KCNQ1: variants seen among roughly 807,000 people sequenced by gnomAD.
The protein encoded by KCNQ1 is potassium voltage-gated channel subfamily Q member 1, also known as potassium voltage-gated channel subfamily KQT member 1.
KCNQ1 carries 49 observed loss-of-function variants against 72.4 expected under a neutral mutation model. The ratio of observed to expected loss-of-function variants is 0.68; its 90% CI spans 0.54 to 0.86. KCNQ1 has a LOEUF of 0.86. KCNQ1 is among the 40% of genes least tolerant of loss of function. The probability of loss-of-function intolerance (pLI) is 0.00; values close to 1 mark genes in which losing one functional copy is unlikely to be tolerated. For missense variants in KCNQ1, 790 were observed against 945.1 expected (o/e 0.84, Z 2.15); for synonymous variants, 450 against 412.6 (o/e 1.09, Z -1.10).
chr11:2,656,488 C>T (rs889233009), intron 10 of KCNQ1: 92 of 398,578 alleles, frequency 2.3e-4, no homozygotes, highest in Non-Finnish European at 1.9e-4. Context: ...CTCGCCCCCA[C>T]GGGCCATGAG....
Position 2,541,366 on chromosome 11 carries a change from T to C in KCNQ1, c.477+13348T>C, listed in dbSNP as rs1847819843. Among the ~76,000 whole-genome samples, 1 of 152,194 alleles carries C rather than the reference T, an allele frequency of 6.6e-6. No individual in the cohort carries two copies. Among genetic ancestry groups the C allele is most frequent in the Non-Finnish European group, 1.5e-5 (1 of 68,040 alleles). ...GGAACCTGGGGGAAGGGCGGGCGTC[T>C]TTATTTCATTTTAGCTTTCTTTAGC... On this transcript the variant is annotated intron_variant, in intron 2 of 15. Transcript: ENST00000155840. The surrounding 1 kb of genome is among the most constrained non-coding windows in gnomAD (Gnocchi z 4.8).
chr11:2,600,554 A>G lies in KCNQ1; in HGVS notation c.1393+11700A>G, dbSNP rs1848788069. ...TTTGCCCCTAAACATTTTGCTGTGTATTTCTGAAAAATAAAGATATTATCT... is the reference window on the plus strand; with the variant it reads ...TTTGCCCCTAAACATTTTGCTGTGTGTTTCTGAAAAATAAAGATATTATCT... On this transcript the variant is annotated intron_variant, in intron 10 of 15. Transcript: ENST00000155840. The surrounding 1 kb of genome is among the most constrained non-coding windows in gnomAD (Gnocchi z 5.6). 6.6e-6 allele frequency among the ~76,000 whole-genome samples: 1 copy of G among 152,166 alleles called. No homozygotes were observed. The highest frequency in any genetic ancestry group is 2.4e-5 in the African/African-American group (1 of 41,446).
intron 2 of KCNQ1, among the ~76,000 whole-genome samples, chr11:2,546,780 TC>T (rs1389311489): frequency 6.6e-6 from 1 of 152,230 alleles, no homozygotes; most frequent in Admixed American, 6.5e-5. Context: ...GAAGCTTCGT[TC>T]TTGGGTGCAT....
chr11:2,666,034 C>T, intron 11 of KCNQ1: 1 of 398,682 alleles, frequency 2.5e-6, no homozygotes, highest in Non-Finnish European at 4.4e-6. Flanking sequence ...CACATGGATA[C>T]CTGAGATAGA....
rs1311659430 is a variant in KCNQ1, at chr11:2,463,115, G to A, written c.386+17631G>A. Among the ~76,000 whole-genome samples, 2 of 152,108 alleles carry A rather than the reference G, an allele frequency of 1.3e-5. No individual in the cohort carries two copies. The highest frequency in any genetic ancestry group is 2.9e-5 in the Non-Finnish European group (2 of 68,008). ...GTGGGGAGTGGGAAGTGGGGGACGG[G>A]GTGGATTCCAGGATTCCGGGTTGTG... On this transcript the variant is annotated intron_variant, in intron 1 of 15. Transcript: ENST00000155840. The surrounding 1 kb of genome is among the most constrained non-coding windows in gnomAD (Gnocchi z 7.0).
At chr11:2,775,916 G>A in intron 12 of KCNQ1, 44 bp from the exon 13 acceptor site, 2 of 1,538,694 alleles carry the variant, frequency 1.3e-6, no homozygotes, top group Non-Finnish European at 1.8e-6. Flanking sequence ...CCACATGGCT[G>A]GGGCACAGGG....
At chr11:2,448,419 C>A (rs906149207) in intron 1 of KCNQ1, among the ~76,000 whole-genome samples, 1 of 152,206 alleles carries the variant, frequency 6.6e-6, no homozygotes, top group Non-Finnish European at 1.5e-5. Flanking sequence ...AGAAGCAGGT[C>A]CCAGAGGTGG....
intron 2 of KCNQ1, among the ~76,000 whole-genome samples, chr11:2,539,612 CA>C (rs1847791503): frequency 6.6e-6 from 1 of 152,214 alleles, no homozygotes; most frequent in Non-Finnish European, 1.5e-5. Flanking sequence ...TTGGAAGTTG[CA>C]TCCCTGGTGA....
At chr11:2,540,674 A>G (rs531224083) in intron 2 of KCNQ1, among the ~76,000 whole-genome samples, 28 of 152,166 alleles carry the variant, frequency 1.8e-4, no homozygotes, top group Non-Finnish European at 2.9e-4. Flanking sequence ...CTCCTCCCCA[A>G]ATATGCAGTC....
chr11:2,717,344 C>T (rs1050252662), intron 11 of KCNQ1, among the ~76,000 whole-genome samples: 1 of 152,196 alleles, frequency 6.6e-6, no homozygotes, highest in African/African-American at 2.4e-5. Context: ...TCCCAGGCTT[C>T]TGTGATCGCA....
At chr11:2,540,872 G>A (rs752107021) in intron 2 of KCNQ1, among the ~76,000 whole-genome samples, 2 of 152,204 alleles carry the variant, frequency 1.3e-5, no homozygotes, top group Non-Finnish European at 2.9e-5. Context: ...GTGAGCTGGT[G>A]GTGAGTTTTC....
At chr11:2,589,453 C>T (rs1164014628) in intron 10 of KCNQ1, among the ~76,000 whole-genome samples, 1 of 152,234 alleles carries the variant, frequency 6.6e-6, no homozygotes, top group Non-Finnish European at 1.5e-5. Context: ...GCAGACCTGT[C>T]TAGGGTTTAG....
chr11:2,797,605 C>G (rs781430731), intron 15 of KCNQ1, among the ~76,000 whole-genome samples: 1 of 152,164 alleles, frequency 6.6e-6, no homozygotes, highest in African/African-American at 2.4e-5. Context: ...ATCTGACCGC[C>G]TTCTTGTATG....
rs1446281998 is a variant in KCNQ1, at chr11:2,613,233, C to G, written c.1393+24379C>G. On this transcript the variant is annotated intron_variant, in intron 10 of 15. Transcript: ENST00000155840. This position sits in a 1 kb window ranked among gnomAD's most constrained non-coding sequence, Gnocchi z 4.8. Reference sequence around the variant, plus strand: ...GTCTGCTTGCAAAAGGTCTCACAGTCAGCCAAGGATAAGTAGATAGCAGGA... The same window carrying G: ...GTCTGCTTGCAAAAGGTCTCACAGTGAGCCAAGGATAAGTAGATAGCAGGA... The G allele has an allele frequency of 1.0e-5, 4 of 398,430 alleles. No homozygotes were observed. The highest frequency in any genetic ancestry group is 1.8e-5 in the Non-Finnish European group (4 of 226,064). The allele number at this position is 398,430 out of a possible 1,614,324, so 24.7% of individuals were successfully genotyped here.
chr11:2,541,358 CG>C lies in KCNQ1; in HGVS notation c.477+13343del, dbSNP rs529883512. The stretch of plus-strand genomic sequence containing the variant: ...TTTGGTGGGGAACCTGGGGGAAGGG[CG>C]GGCGTCTTTATTTCATTTTAGCTTT... On this transcript the variant is annotated intron_variant, in intron 2 of 15. Transcript: ENST00000155840. The surrounding 1 kb of genome is among the most constrained non-coding windows in gnomAD (Gnocchi z 4.8). Among the ~76,000 whole-genome samples, 24 of 152,296 alleles carry C rather than the reference CG, an allele frequency of 1.6e-4. No individual in the cohort carries two copies. The South Asian group carries it at 5.0e-3, about 32-fold the overall frequency.
rs1209566453 is a variant in KCNQ1 at position 2,600,937 on chromosome 11, G to A, written c.1393+12083G>A. On this transcript the variant is annotated intron_variant, in intron 10 of 15. Coordinates refer to ENST00000155840, the MANE Select transcript of KCNQ1 (RefSeq NM_000218.3). The surrounding 1 kb of genome is among the most constrained non-coding windows in gnomAD (Gnocchi z 5.6). ...TGTATCACATCCTGAGGCACACAGT[G>A]TATCTGCCCCTTATTAACGATGTTA... 6.6e-6 allele frequency among the ~76,000 whole-genome samples: 1 copy of A among 152,130 alleles called. No individual in the cohort carries two copies. Among genetic ancestry groups the A allele is most frequent in the East Asian group, 1.9e-4 (1 of 5,190 alleles).
chr11:2,839,489 C>T (rs1022134350), intron 15 of KCNQ1, among the ~76,000 whole-genome samples: 2 of 152,204 alleles, frequency 1.3e-5, no homozygotes, highest in African/African-American at 4.8e-5. Context: ...TCCAGGAGCA[C>T]GGGGCCATGT....
Position 2,659,777 on chromosome 11 carries a change from A to G in KCNQ1, c.1394-2184A>G. ...AGTGGTTGGTATTGTCAGGTTTTGA[A>G]TTTTTTTTTTAATTTATGGAATTTC... On this transcript the variant is annotated intron_variant, in intron 10 of 15. Transcript: ENST00000155840. The surrounding 1 kb of genome is among the most constrained non-coding windows in gnomAD (Gnocchi z 4.3). The G allele has an allele frequency of 2.5e-6, 1 of 394,360 alleles. No individual in the cohort carries two copies. Among genetic ancestry groups the G allele is most frequent in the Non-Finnish European group, 4.5e-6 (1 of 223,988 alleles). The allele number at this position is 394,360 out of a possible 1,614,324, so 24.4% of individuals were successfully genotyped here. A position where few individuals can be genotyped will look rare whatever the true frequency, so the allele number is the denominator to read the frequency against.
intron 15 of KCNQ1, among the ~76,000 whole-genome samples, chr11:2,806,279 G>A (rs1309802203): frequency 6.6e-6 from 1 of 152,192 alleles, no homozygotes; most frequent in Non-Finnish European, 1.5e-5. Context: ...AACAATCAAT[G>A]TGGAGTGAGG....
Sources: gnomAD v4.1 joint callset for allele counts (sites outside exome capture counted in the v4.1 genomes callset) on GRCh38, gnomAD v4.1.1 for gene constraint, Gnocchi (gnomAD v3.1) non-coding constraint, MANE v1.5 for transcripts, NCBI Gene and HGNC (gene_info 2026-07-23, HGNC 2026-07-21) for gene names.